Variants in FOXP1 observed in about 807,000 individuals in gnomAD.
FOXP1 encodes the protein forkhead box protein P1.
In FOXP1, 15 loss-of-function variants were observed where a neutral mutation model predicts 98.2. That is an observed-to-expected ratio of 0.15 (90% CI 0.10 to 0.24). The LOEUF (loss-of-function observed/expected upper bound fraction) is 0.24, where lower values mean the gene tolerates loss of function less well. Ranked by LOEUF, FOXP1 falls within the 10% of genes least tolerant of loss-of-function variation. The probability of loss-of-function intolerance (pLI) is 1.00; values close to 1 mark genes in which losing one functional copy is unlikely to be tolerated. For synonymous variants in FOXP1, 371 were observed against 314.5 expected (o/e 1.18, Z -1.90); for missense variants, 633 against 848.5 (o/e 0.75, Z 3.15).
chr3:70,966,019 G>A lies in FOXP1; in HGVS notation c.1760C>T (p.Thr587Ile), dbSNP rs1185427456. 6.2e-7 allele frequency: 1 copy of A among 1,614,142 alleles called. No homozygotes were observed. The highest frequency in any genetic ancestry group is 8.5e-7 in the Non-Finnish European group (1 of 1,180,018). Residue 587 changes from threonine to isoleucine, a missense_variant, in exon 20 of 21, where the codon ACC (threonine) becomes ATC (isoleucine). Coordinates refer to ENST00000649528, the MANE Select transcript of FOXP1 (RefSeq NM_001349338.3). The part of the protein sequence containing the change: ...MAENSIPLYT[T>I]ASMGNPTLGN... The stretch of plus-strand genomic sequence containing the variant: ...CAGAGTGGGATTTCCCATGGAAGCG[G>A]TAGTGTATAGAGGTATACTATTCTC...
chr3:71,387,378 A>T (rs1193169702), intron 3 of FOXP1, among the ~76,000 whole-genome samples: 1 of 152,220 alleles, frequency 6.6e-6, no homozygotes, highest in Non-Finnish European at 1.5e-5. Context: ...GTTAGTAAAT[A>T]TATCCCTTTT....
chr3:71,121,651 AAGCCTG>A (rs2058783478), intron 6 of FOXP1, among the ~76,000 whole-genome samples: 2 of 152,168 alleles, frequency 1.3e-5, no homozygotes, highest in African/African-American at 4.8e-5. Context: ...AGCAGTGCCC[AAGCCTG>A]AGCCTGTTTA....
At chr3:71,206,976 A>G (rs2064087620) in intron 5 of FOXP1, among the ~76,000 whole-genome samples, 1 of 152,224 alleles carries the variant, frequency 6.6e-6, no homozygotes, top group Non-Finnish European at 1.5e-5. Flanking sequence ...AATCCTGAGG[A>G]GCTCAAATAA....
At chr3:71,582,453 A>C (rs959279357) in intron 1 of FOXP1, 4 of 985,062 alleles carry the variant, frequency 4.1e-6, no homozygotes, top group South Asian at 4.7e-5. Flanking sequence ...TCTCGGCGGG[A>C]CAGGAATAGA....
intron 3 of FOXP1, among the ~76,000 whole-genome samples, chr3:71,380,579 C>T (rs1452251957): frequency 6.6e-6 from 1 of 152,074 alleles, no homozygotes; most frequent in Non-Finnish European, 1.5e-5. Context: ...TTTTCGGCAA[C>T]TTAGAATAAG....
chr3:71,297,695 A>G (rs977196632), intron 5 of FOXP1, among the ~76,000 whole-genome samples: 4 of 148,228 alleles, frequency 2.7e-5, no homozygotes, highest in Non-Finnish European at 5.9e-5. Flanking sequence ...AGTTCACTGC[A>G]ACCTCTGCCT....
intron 4 of FOXP1, among the ~76,000 whole-genome samples, chr3:71,302,169 C>A (rs2073900818): frequency 6.6e-6 from 1 of 152,104 alleles, no homozygotes; most frequent in South Asian, 2.1e-4. Context: ...AGTAATCTAA[C>A]AGACATTTTT....
rs183868559 is a variant in FOXP1, at chr3:71,303,748, A to G, written c.-72-3868T>C. On this transcript the variant is annotated intron_variant, in intron 4 of 20. Coordinates refer to ENST00000649528, the MANE Select transcript of FOXP1 (RefSeq NM_001349338.3). ...TAAGATTTCAAAAAAGAAAAGAAAA[A>G]AAAGTGGGGAAGGTGGGGAATGAAG... 4.8e-4 allele frequency among the ~76,000 whole-genome samples: 73 copies of G among 152,272 alleles called. 1 individual carries two copies. Among genetic ancestry groups the G allele is most frequent in the African/African-American group, 1.6e-3 (67 of 41,572 alleles).
Position 70,959,220 on chromosome 3 carries a change from A to T in FOXP1, c.*27T>A, listed in dbSNP as rs542268987. On this transcript the variant is annotated 3_prime_UTR_variant, in exon 21 of 21. Transcript: ENST00000649528. ...TTTTTTTTTCCTTTTTCCAATCTTC[A>T]TTCTCGGGGTTGGCCCGCCCCGATA... 3.7e-6 allele frequency: 6 copies of T among 1,602,262 alleles called. No individual in the cohort carries two copies. In the African/African-American group the frequency reaches 8.3e-5, roughly 22 times the overall value.
At chr3:70,987,249 C>T (rs1051330674) in intron 14 of FOXP1, among the ~76,000 whole-genome samples, 2 of 152,120 alleles carry the variant, frequency 1.3e-5, no homozygotes, top group South Asian at 4.1e-4. Flanking sequence ...TTAAAGAGAT[C>T]GATTTATTAC....
At chr3:71,337,955 G>A (rs550302593) in intron 4 of FOXP1, among the ~76,000 whole-genome samples, 8 of 152,276 alleles carry the variant, frequency 5.3e-5, no homozygotes, top group Admixed American at 3.3e-4. Flanking sequence ...GGAAGCGCTC[G>A]TTTCACAGGG....
At chr3:71,511,412 T>C (rs2042195643) in intron 2 of FOXP1, among the ~76,000 whole-genome samples, 1 of 152,016 alleles carries the variant, frequency 6.6e-6, no homozygotes, top group Non-Finnish European at 1.5e-5. Flanking sequence ...TTTCCTCCAT[T>C]GGGGCATTCC....
chr3:71,080,952 G>C (rs904393914), intron 7 of FOXP1, among the ~76,000 whole-genome samples: 1 of 152,086 alleles, frequency 6.6e-6, no homozygotes. Flanking sequence ...TTTCCCTTTT[G>C]TCTCTCACTG....
rs72959394 is a variant in FOXP1 at position 71,428,985 on chromosome 3, C to A, written c.-168+64441G>T. 7.1e-3 allele frequency among the ~76,000 whole-genome samples: 1,076 copies of A among 152,336 alleles called. 16 individuals are homozygous for A. Among genetic ancestry groups the A allele is most frequent in the African/African-American group, 0.025 (1,029 of 41,566 alleles). On this transcript the variant is annotated intron_variant, in intron 3 of 20. Transcript: ENST00000649528. ...GAATCAATAAAACATCCCTTTGAAACTCCCTGGACTAGTGCCGACATGCAG... is the reference window on the plus strand; with the variant it reads ...GAATCAATAAAACATCCCTTTGAAAATCCCTGGACTAGTGCCGACATGCAG...
intron 3 of FOXP1, among the ~76,000 whole-genome samples, chr3:71,467,013 A>G (rs2088829129): frequency 6.6e-6 from 1 of 152,204 alleles, no homozygotes; most frequent in Admixed American, 6.5e-5. Flanking sequence ...CCAAGGCCAG[A>G]AAAACAAAAA....
chr3:71,057,809 G>T (rs141223377), intron 7 of FOXP1, among the ~76,000 whole-genome samples: 1 of 152,108 alleles, frequency 6.6e-6, no homozygotes, highest in Non-Finnish European at 1.5e-5. Flanking sequence ...CCAAACCTGC[G>T]GGAATGGCAG....
chr3:71,515,414 T>C (rs2042492988), intron 2 of FOXP1, among the ~76,000 whole-genome samples: 1 of 127,546 alleles, frequency 7.8e-6, no homozygotes, highest in African/African-American at 3.0e-5. Flanking sequence ...GCATTTCCCT[T>C]TGATCAAAAT....
In FOXP1 at chr3:71,367,957, A is replaced by C. The variant is rs1028780740; in HGVS notation, c.-167-8713T>G. On this transcript the variant is annotated intron_variant, in intron 3 of 20. Transcript: ENST00000649528. ...GAACACAAGCAGATATTGTCCTGTG[A>C]GAGCCAATCTGTTTGGATTCAAACG... 7.2e-5 allele frequency among the ~76,000 whole-genome samples: 11 copies of C among 152,290 alleles called. No homozygotes were observed. The East Asian group carries it at 1.9e-3, about 27-fold the overall frequency.
intron 2 of FOXP1, among the ~76,000 whole-genome samples, chr3:71,512,461 ATTGCC>A (rs2042267660): frequency 6.6e-6 from 1 of 152,134 alleles, no homozygotes; most frequent in Admixed American, 6.5e-5. Context: ...CTATTACCTT[ATTGCC>A]TTGTTACCAA....
Sources: gnomAD v4.1 joint callset for allele counts (sites outside exome capture counted in the v4.1 genomes callset) on GRCh38, gnomAD v4.1.1 for gene constraint, MANE v1.5 for transcripts, NCBI Gene and HGNC (gene_info 2026-07-23, HGNC 2026-07-21) for gene names.